The following TMEM132C variants were observed in gnomAD, a reference collection of about 807,000 sequenced individuals.
The protein encoded by TMEM132C is transmembrane protein 132C, also known as protein phosphatase 1, regulatory subunit 152.
In TMEM132C, 29 loss-of-function variants were observed where a neutral mutation model predicts 61.4. The ratio of observed to expected loss-of-function variants is 0.47; its 90% CI spans 0.35 to 0.64. The LOEUF is 0.64. Among genes scored for constraint, TMEM132C ranks in the 30% least tolerant of loss-of-function variants. The pLI is 0.00. For synonymous variants in TMEM132C, 656 were observed against 633.1 expected (o/e 1.04, Z -0.54); for missense variants, 1,408 against 1,476.9 (o/e 0.95, Z 0.76).
intron 1 of TMEM132C, among the ~76,000 whole-genome samples, chr12:128,384,458 C>A (rs914602057): frequency 6.6e-6 from 1 of 152,088 alleles, no homozygotes; most frequent in African/African-American, 2.4e-5. Context: ...TTTAAGAACC[C>A]CATTTAGGGG....
At chr12:128,593,860 C>T (rs1875850179) in intron 3 of TMEM132C, among the ~76,000 whole-genome samples, 1 of 152,150 alleles carries the variant, frequency 6.6e-6, no homozygotes, top group South Asian at 2.1e-4. Flanking sequence ...GTTTCCATCT[C>T]TCTCTCATCT....
chr12:128,299,996 G>A (rs1236157032), intron 1 of TMEM132C, among the ~76,000 whole-genome samples: 1 of 152,152 alleles, frequency 6.6e-6, no homozygotes, highest in East Asian at 1.9e-4. Context: ...AGACACAGTC[G>A]GCCAGTGTTC....
At chr12:128,523,704 A>C (rs993053171) in intron 2 of TMEM132C, among the ~76,000 whole-genome samples, 1 of 152,072 alleles carries the variant, frequency 6.6e-6, no homozygotes, top group Admixed American at 6.6e-5. Flanking sequence ...TAAACAAAAC[A>C]AAACCTCTGA....
chr12:128,509,288 G>A (rs7966781), intron 2 of TMEM132C, among the ~76,000 whole-genome samples: 136,077 of 152,154 alleles, frequency 0.89, 62,702 homozygotes, highest in East Asian at 1. Flanking sequence ...AGTGTTTAAA[G>A]GGGAAAGAGC....
At chr12:128,461,401 G>A (rs896578260) in intron 2 of TMEM132C, among the ~76,000 whole-genome samples, 2 of 152,204 alleles carry the variant, frequency 1.3e-5, no homozygotes, top group African/African-American at 2.4e-5. Flanking sequence ...GAAACTCTGT[G>A]TAGATCACCA....
intron 2 of TMEM132C, among the ~76,000 whole-genome samples, chr12:128,501,318 C>G (rs976748940): frequency 6.6e-6 from 1 of 152,176 alleles, no homozygotes; most frequent in African/African-American, 2.4e-5. Flanking sequence ...AATCTTGATG[C>G]ACATGAGGAG....
At chr12:128,492,834 G>C (rs1394621434) in intron 2 of TMEM132C, among the ~76,000 whole-genome samples, 1 of 152,180 alleles carries the variant, frequency 6.6e-6, no homozygotes, top group Non-Finnish European at 1.5e-5. Context: ...TTCTTTTGCT[G>C]TGCAGAAGCT....
chr12:128,588,506 C>T (rs551775644), intron 3 of TMEM132C, among the ~76,000 whole-genome samples: 15 of 152,224 alleles, frequency 9.9e-5, no homozygotes, highest in African/African-American at 2.9e-4. Context: ...TTCTTTTGTA[C>T]GTAGTTGGAG....
chr12:128,334,257 G>C (rs936025191), intron 1 of TMEM132C, among the ~76,000 whole-genome samples: 4 of 152,108 alleles, frequency 2.6e-5, no homozygotes, highest in African/African-American at 9.7e-5. Context: ...AAATACCCAG[G>C]CTGCACCTCA....
rs146321001 is a variant in TMEM132C, at chr12:128,420,141, A to C, written c.974+4521A>C. ...AACCTGGGAGGTGGAGGTTGCAGTG[A>C]GCCAAGATCATGCCAGTGAAGTCCA... On this transcript the variant is annotated intron_variant, in intron 2 of 8. Transcript: ENST00000435159. 7.2e-3 allele frequency among the ~76,000 whole-genome samples: 1,103 copies of C among 152,278 alleles called. 5 individuals are homozygous for C. Among genetic ancestry groups the C allele is most frequent in the Non-Finnish European group, 0.011 (742 of 68,016 alleles).
chr12:128,513,644 G>T (rs1872633788), intron 2 of TMEM132C, among the ~76,000 whole-genome samples: 1 of 152,152 alleles, frequency 6.6e-6, no homozygotes. Flanking sequence ...TGGAGATTTT[G>T]CTCCTTGAGA....
intron 2 of TMEM132C, among the ~76,000 whole-genome samples, chr12:128,516,567 A>G (rs1345852476): frequency 6.7e-6 from 1 of 148,460 alleles, no homozygotes; most frequent in Non-Finnish European, 1.5e-5. Flanking sequence ...CAACTTTTAC[A>G]TTTTATTGTA....
chr12:128,705,318 C>T lies in TMEM132C; in HGVS notation c.2350C>T (p.Arg784Cys), dbSNP rs1246204155. Residue 784 changes from arginine to cysteine, a missense_variant, in exon 9 of 9, where the codon CGC becomes TGC. Transcript: ENST00000435159. ...CGCCGAGGCCTGCCAGAAATCTAAA[C>T]GCAAGAGCATCCTGGCTGTGGGCGT... Reference protein sequence around the residue: ...TIAEACQKSKRKSILAVGVGN... With the variant: ...TIAEACQKSKCKSILAVGVGN... The T allele has an allele frequency of 6.4e-6, 10 of 1,551,214 alleles. No individual in the cohort carries two copies. Among genetic ancestry groups the T allele is most frequent in the South Asian group, 1.2e-5 (1 of 84,070 alleles).
intron 3 of TMEM132C, among the ~76,000 whole-genome samples, chr12:128,576,936 C>G (rs774970396): frequency 2.0e-5 from 3 of 147,692 alleles, no homozygotes; most frequent in Non-Finnish European, 4.5e-5. Flanking sequence ...ATACAATTCA[C>G]ATATTTAAAA....
chr12:128,422,368 G>C (rs1593047794), intron 2 of TMEM132C, among the ~76,000 whole-genome samples: 1 of 152,180 alleles, frequency 6.6e-6, no homozygotes, highest in Admixed American at 6.5e-5. Flanking sequence ...TTGCGGGTAG[G>C]GGGTGTGAAT....
At chr12:128,585,269 G>A (rs1875500842) in intron 3 of TMEM132C, among the ~76,000 whole-genome samples, 1 of 152,262 alleles carries the variant, frequency 6.6e-6, no homozygotes, top group Non-Finnish European at 1.5e-5. Flanking sequence ...GATAGGAGAT[G>A]TTAAATGCCC....
At chr12:128,343,503 A>G (rs1167992979) in intron 1 of TMEM132C, among the ~76,000 whole-genome samples, 1 of 152,030 alleles carries the variant, frequency 6.6e-6, no homozygotes, top group Admixed American at 6.5e-5. Flanking sequence ...AGTTTCTCAT[A>G]AGGTTAGAGC....
At chr12:128,626,351 A>C (rs2135591069) in intron 4 of TMEM132C, among the ~76,000 whole-genome samples, 1 of 150,796 alleles carries the variant, frequency 6.6e-6, no homozygotes, top group East Asian at 2.0e-4. Flanking sequence ...GCTGGTCTCG[A>C]ACTCCTGACC....
At chr12:128,678,287 C>T (rs111795085) in intron 5 of TMEM132C, among the ~76,000 whole-genome samples, 1 of 152,138 alleles carries the variant, frequency 6.6e-6, no homozygotes. Context: ...CCAGAAGTCC[C>T]GGACTCCAAG....
Sources: allele counts gnomAD v4.1 joint callset (sites outside exome capture counted in the v4.1 genomes callset), GRCh38; gene constraint gnomAD v4.1.1; transcripts MANE v1.5; gene names NCBI Gene and HGNC (gene_info 2026-07-23, HGNC 2026-07-21).